The following CDH23 variants were observed in gnomAD, a reference collection of about 807,000 sequenced individuals.
The protein encoded by CDH23 is cadherin related 23, also known as cadherin-23.
In CDH23, 189 loss-of-function variants were observed where a neutral mutation model predicts 317.1. The ratio of observed to expected loss-of-function variants is 0.60; its 90% CI spans 0.53 to 0.67. The LOEUF (loss-of-function observed/expected upper bound fraction) is 0.67. Among genes scored for constraint, CDH23 ranks in the 30% least tolerant of loss-of-function variants. The pLI is 0.00. For synonymous variants in CDH23, 1,839 were observed against 1,876.8 expected (o/e 0.98, Z 0.52); for missense variants, 4,401 against 4,592.4 (o/e 0.96, Z 1.20).
intron 6 of CDH23, among the ~76,000 whole-genome samples, chr10:71,516,315 G>A (rs1854328551): frequency 6.6e-6 from 1 of 152,188 alleles, no homozygotes; most frequent in Admixed American, 6.5e-5. Flanking sequence ...CTGGAGCTGG[G>A]GTGAGATCCT....
intron 24 of CDH23, among the ~76,000 whole-genome samples, chr10:71,702,939 G>A (rs775184814): frequency 6.6e-6 from 1 of 152,182 alleles, no homozygotes; most frequent in Non-Finnish European, 1.5e-5. Flanking sequence ...GTTTCTCAGG[G>A]CCTGATTATG....
In CDH23 at chr10:71,570,807, GCC is replaced by G. The variant is rs1857746521; in HGVS notation, c.643_644del (p.Pro215SerfsTer50). 1 of 1,612,976 alleles carries G rather than the reference GCC, an allele frequency of 6.2e-7. No homozygotes were observed. Among genetic ancestry groups the G allele is most frequent in the Non-Finnish European group, 8.5e-7 (1 of 1,179,534 alleles). The stretch of plus-strand genomic sequence containing the variant: ...TCTCTAAGGATCAAGACAAGACCAG[GCC>G]TCTGTCCACCCTGGCCAACTTGGCC... ...VNATDQDKTR[P>X]LSTLANLAII... On this transcript the variant is annotated frameshift_variant, in exon 8 of 70. Transcript: ENST00000224721. LOFTEE classifies it high-confidence loss of function.
chr10:71,679,345 C>T (rs774194319), intron 16 of CDH23, 42 bp from the exon 17 acceptor site: 8 of 1,442,972 alleles, frequency 5.5e-6, no homozygotes, highest in Non-Finnish European at 7.7e-6. Flanking sequence ...GGCCCCCAGT[C>T]TCCTGCAGGC....
At chr10:71,777,647 C>G (rs781074149) in intron 38 of CDH23, 33 bp from the exon 39 acceptor site, 2 of 1,575,022 alleles carry the variant, frequency 1.3e-6, no homozygotes, top group Non-Finnish European at 1.7e-6. Flanking sequence ...CTCTGGCCAC[C>G]TGACCAAGGA....
At chr10:71,511,580 C>T (rs555235551) in intron 6 of CDH23, among the ~76,000 whole-genome samples, 1 of 152,166 alleles carries the variant, frequency 6.6e-6, no homozygotes, top group Non-Finnish European at 1.5e-5. Flanking sequence ...AACCCCAGAT[C>T]TTCCTGCTTT....
At chr10:71,786,749 C>T (rs1340990616) in intron 44 of CDH23, among the ~76,000 whole-genome samples, 5 of 152,164 alleles carry the variant, frequency 3.3e-5, no homozygotes, top group African/African-American at 9.7e-5. Context: ...CCACCTGCCT[C>T]AGCCTCCCAA....
At chr10:71,642,185 C>G (rs1188045500) in intron 11 of CDH23, among the ~76,000 whole-genome samples, 1 of 152,012 alleles carries the variant, frequency 6.6e-6, no homozygotes, top group African/African-American at 2.4e-5. Context: ...CTTGTCCTCC[C>G]CTTAGACTGG....
intron 38 of CDH23, among the ~76,000 whole-genome samples, chr10:71,759,998 CATACATAT>C (rs1194922134): frequency 0.028 from 1,391 of 49,358 alleles, 156 homozygotes; most frequent in East Asian, 0.11. Context: ...TACACACACA[CATACATAT>C]ATATACACAC....
intron 38 of CDH23, among the ~76,000 whole-genome samples, chr10:71,769,759 C>T (rs1277255109): frequency 6.6e-6 from 1 of 152,202 alleles, no homozygotes; most frequent in Non-Finnish European, 1.5e-5. Flanking sequence ...AAGGAATGGG[C>T]TTGCTTGGCT....
intron 9 of CDH23, among the ~76,000 whole-genome samples, chr10:71,599,013 C>T (rs1319155565): frequency 5.3e-5 from 8 of 152,158 alleles, no homozygotes; most frequent in Admixed American, 5.2e-4. Flanking sequence ...CCACCCACCC[C>T]ACCCCACACT....
chr10:71,813,923 A>C (rs1227614285), intron 69 of CDH23, among the ~76,000 whole-genome samples: 2 of 152,214 alleles, frequency 1.3e-5, no homozygotes, highest in Admixed American at 6.5e-5. Context: ...AGGAAAGAAA[A>C]GAAACTGGCC....
At chr10:71,551,263 G>C (rs999362601) in intron 6 of CDH23, among the ~76,000 whole-genome samples, 5 of 152,210 alleles carry the variant, frequency 3.3e-5, no homozygotes, top group Non-Finnish European at 7.3e-5. Context: ...TGTAATTCAT[G>C]GTATTAGCAT....
At chr10:71,707,236 A>T in intron 26 of CDH23, 187 bp downstream of exon 26, 2 of 1,475,588 alleles carry the variant, frequency 1.4e-6, no homozygotes, top group Admixed American at 2.2e-5. Flanking sequence ...AGGGCTTTGC[A>T]GCTGGATCAC....
chr10:71,665,337 C>A (rs992237765), intron 14 of CDH23, among the ~76,000 whole-genome samples: 4 of 152,188 alleles, frequency 2.6e-5, no homozygotes, highest in Non-Finnish European at 5.9e-5. Flanking sequence ...CCACTGCCTC[C>A]CACTACCCCT....
At chr10:71,471,483 T>G (rs1851505531) in intron 3 of CDH23, among the ~76,000 whole-genome samples, 1 of 152,168 alleles carries the variant, frequency 6.6e-6, no homozygotes, top group Non-Finnish European at 1.5e-5. Flanking sequence ...GCCCCCTTTA[T>G]GTGCTCTCTG....
intron 44 of CDH23, 32 bp downstream of exon 44, chr10:71,785,770 T>C (rs919632657): frequency 5.1e-6 from 7 of 1,380,748 alleles, no homozygotes; most frequent in Non-Finnish European, 7.1e-6. Context: ...GGGAGTGGGC[T>C]GGGAGCTAGA....
chr10:71,698,569 C>G (rs1008686320), intron 22 of CDH23, among the ~76,000 whole-genome samples: 9 of 151,898 alleles, frequency 5.9e-5, no homozygotes, highest in Non-Finnish European at 8.8e-5. Flanking sequence ...AACACACAGG[C>G]CTTTCGTTTC....
intron 6 of CDH23, among the ~76,000 whole-genome samples, chr10:71,528,509 G>A (rs747658467): frequency 4.6e-5 from 7 of 152,234 alleles, no homozygotes; most frequent in African/African-American, 7.2e-5. Flanking sequence ...GCCGGCCTGC[G>A]GCAGACACAG....
chr10:71,716,279 AG>A, intron 28 of CDH23: 2 of 1,531,736 alleles, frequency 1.3e-6, no homozygotes, highest in Non-Finnish European at 8.8e-7. Flanking sequence ...GGGAGCTGAG[AG>A]AAAGGCGAGG....
Sources: gnomAD v4.1 joint callset for allele counts (sites outside exome capture counted in the v4.1 genomes callset) on GRCh38, gnomAD v4.1.1 for gene constraint, MANE v1.5 for transcripts, NCBI Gene and HGNC (gene_info 2026-07-23, HGNC 2026-07-21) for gene names.